The following GSK3B variants were observed in gnomAD, a reference collection of about 807,000 sequenced individuals.
GSK3B encodes the protein glycogen synthase kinase 3 beta.
In GSK3B, 15 loss-of-function variants were observed where a neutral mutation model predicts 56.4. The ratio of observed to expected loss-of-function variants is 0.27; its 90% CI spans 0.18 to 0.41. GSK3B has a LOEUF of 0.41. GSK3B is among the 10% of genes least tolerant of loss of function. GSK3B has a pLI of 1.00. For missense variants in GSK3B, 300 were observed against 513.4 expected, an observed-to-expected ratio of 0.58 and a Z score of 4.02; for synonymous variants, 181 against 188.9, an observed-to-expected ratio of 0.96 and a Z score of 0.34.
intron 1 of GSK3B, among the ~76,000 whole-genome samples, chr3:120,031,196 T>C (rs1221986693): frequency 2.0e-5 from 3 of 152,232 alleles, no homozygotes; most frequent in African/African-American, 7.2e-5. Flanking sequence ...TCAACACTTC[T>C]TGAAATATTT....
chr3:120,052,176 G>T (rs964335653), intron 1 of GSK3B, among the ~76,000 whole-genome samples: 1 of 152,136 alleles, frequency 6.6e-6, no homozygotes, highest in East Asian at 1.9e-4. Context: ...TATAAAAAAG[G>T]TGCAAATTTT....
chr3:119,876,564 C>T (rs901642342), intron 7 of GSK3B, 56 bp from the exon 8 acceptor site: 2 of 984,054 alleles, frequency 2.0e-6, no homozygotes, highest in African/African-American at 1.6e-5. Context: ...AATTTAGTCT[C>T]CATGTTTTCA....
At chr3:120,013,238 T>C (rs1447693191) in intron 1 of GSK3B, among the ~76,000 whole-genome samples, 1 of 152,212 alleles carries the variant, frequency 6.6e-6, no homozygotes, top group Non-Finnish European at 1.5e-5. Context: ...TTTAAATATT[T>C]CGTAGGTAGG....
intron 2 of GSK3B, among the ~76,000 whole-genome samples, chr3:119,999,875 A>G (rs139106164): frequency 5.8e-4 from 89 of 152,362 alleles, no homozygotes; most frequent in African/African-American, 2.1e-3. Context: ...AGAAAATGGA[A>G]GACTATGGAA....
chr3:119,964,172 G>A (rs750351596), intron 2 of GSK3B, among the ~76,000 whole-genome samples: 1 of 152,022 alleles, frequency 6.6e-6, no homozygotes, highest in African/African-American at 2.4e-5. Flanking sequence ...AAAATGAGAT[G>A]AATAAAAAAT....
intron 3 of GSK3B, among the ~76,000 whole-genome samples, chr3:119,942,754 G>C (rs2057062482): frequency 6.6e-6 from 1 of 152,110 alleles, no homozygotes; most frequent in African/African-American, 2.4e-5. Context: ...GATGTAGAAA[G>C]TTTCTACTGC....
intron 2 of GSK3B, among the ~76,000 whole-genome samples, chr3:119,955,098 CCTT>C (rs2057198540): frequency 6.6e-6 from 1 of 151,720 alleles, no homozygotes; most frequent in Admixed American, 6.6e-5. Context: ...CCAAAGTACA[CCTT>C]CTGCAAAAAA....
intron 7 of GSK3B, among the ~76,000 whole-genome samples, chr3:119,902,248 T>G (rs1298716551): frequency 1.3e-5 from 2 of 152,188 alleles, no homozygotes; most frequent in Non-Finnish European, 2.9e-5. Context: ...TCAGGAAAAC[T>G]AGAATAGCTA....
At chr3:120,034,390 A>G (rs1214855310) in intron 1 of GSK3B, among the ~76,000 whole-genome samples, 4 of 152,186 alleles carry the variant, frequency 2.6e-5, no homozygotes, top group African/African-American at 7.2e-5. Context: ...CCATTTTGAC[A>G]TAATTTTTGT....
At chr3:120,001,817 T>C (rs2057679812) in intron 2 of GSK3B, among the ~76,000 whole-genome samples, 1 of 152,204 alleles carries the variant, frequency 6.6e-6, no homozygotes. Flanking sequence ...AAAAAATACA[T>C]ATATTACATA....
intron 9 of GSK3B, among the ~76,000 whole-genome samples, chr3:119,857,944 G>A (rs989178422): frequency 6.6e-6 from 1 of 152,142 alleles, no homozygotes; most frequent in Non-Finnish European, 1.5e-5. Flanking sequence ...GCTCTTGGAT[G>A]ACTAGATACA....
chr3:120,028,045 T>C (rs1576281735), intron 1 of GSK3B, among the ~76,000 whole-genome samples: 1 of 152,228 alleles, frequency 6.6e-6, no homozygotes, highest in African/African-American at 2.4e-5. Context: ...AAATTGAGTA[T>C]AATCAGCAAA....
At chr3:119,993,583 C>A (rs2057587081) in intron 2 of GSK3B, among the ~76,000 whole-genome samples, 1 of 152,172 alleles carries the variant, frequency 6.6e-6, no homozygotes, top group African/African-American at 2.4e-5. Context: ...TATGAGTTAG[C>A]AGCTCTGAAA....
At chr3:120,042,393 A>C (rs2058070797) in intron 1 of GSK3B, among the ~76,000 whole-genome samples, 1 of 152,226 alleles carries the variant, frequency 6.6e-6, no homozygotes, top group African/African-American at 2.4e-5. Flanking sequence ...TGCAGTCTTC[A>C]TGGAACTTAT....
chr3:120,022,170 C>T (rs1433654763), intron 1 of GSK3B, among the ~76,000 whole-genome samples: 1 of 152,208 alleles, frequency 6.6e-6, no homozygotes, highest in Non-Finnish European at 1.5e-5. Flanking sequence ...CCACCCTAGC[C>T]TTCAGCAACC....
At chr3:119,956,481 T>C (rs2057216239) in intron 2 of GSK3B, among the ~76,000 whole-genome samples, 1 of 150,592 alleles carries the variant, frequency 6.6e-6, no homozygotes, top group African/African-American at 2.4e-5. Context: ...CTTCCTAATC[T>C]GAAAATCCAA....
intron 2 of GSK3B, among the ~76,000 whole-genome samples, chr3:119,978,452 C>T (rs1303050636): frequency 2.0e-5 from 3 of 152,186 alleles, no homozygotes; most frequent in Non-Finnish European, 4.4e-5. Context: ...CTAAAATAAA[C>T]CTGTCTTTAA....
chr3:119,848,993 AAAGCTC>A (rs1483507897), intron 9 of GSK3B, among the ~76,000 whole-genome samples: 2 of 152,202 alleles, frequency 1.3e-5, no homozygotes, highest in African/African-American at 4.8e-5. Context: ...TAAGGAACAG[AAAGCTC>A]CTATGCCATT....
chr3:119,926,210 T>C (rs1247478436), intron 3 of GSK3B, among the ~76,000 whole-genome samples: 1 of 152,024 alleles, frequency 6.6e-6, no homozygotes, highest in Non-Finnish European at 1.5e-5. Context: ...CATACACATA[T>C]ACTAGACCTC....
Sources: allele counts gnomAD v4.1 joint callset (sites outside exome capture counted in the v4.1 genomes callset), GRCh38; gene constraint gnomAD v4.1.1; transcripts MANE v1.5; gene names NCBI Gene and HGNC (gene_info 2026-07-23, HGNC 2026-07-21).